Variants in GPR39 observed in about 807,000 individuals in gnomAD.
GPR39 encodes the protein G protein-coupled receptor 39, also known as zinc sensing receptor.
A neutral mutation model predicts 18.4 loss-of-function variants in GPR39; 23 were observed. That is an observed-to-expected ratio of 1.25 (90% CI 0.90 to 1.77). GPR39 has a LOEUF of 1.77. Ranked by LOEUF, GPR39 falls within the 40% of genes most tolerant of loss-of-function variation. The pLI is 0.00. For missense variants in GPR39, 647 were observed against 602.4 expected (o/e 1.07, Z -0.78); for synonymous variants, 280 against 257.9 (o/e 1.09, Z -0.82).
At chr2:132,586,894 T>C (rs1426619075) in intron 1 of GPR39, among the ~76,000 whole-genome samples, 1 of 152,222 alleles carries the variant, frequency 6.6e-6, no homozygotes, top group Non-Finnish European at 1.5e-5. Context: ...AGTTTAGTTC[T>C]TTAGGTTTTC....
chr2:132,510,996 G>A (rs547503799), intron 1 of GPR39, among the ~76,000 whole-genome samples: 1 of 152,236 alleles, frequency 6.6e-6, no homozygotes, highest in South Asian at 2.1e-4. Context: ...TATCCAAAAT[G>A]TATTATTTGC....
rs115476725 is a variant in GPR39, at chr2:132,438,836, A to G, written c.856+20938A>G. 7.3e-3 allele frequency among the ~76,000 whole-genome samples: 1,107 copies of G among 152,194 alleles called. 4 individuals are homozygous for G. The highest frequency in any genetic ancestry group is 0.02 in the Middle Eastern group (6 of 294). On this transcript the variant is annotated intron_variant, in intron 1 of 1. Coordinates refer to ENST00000329321, the MANE Select transcript of GPR39 (RefSeq NM_001508.3). ...AGGGTACACAGGGCCCAAGCCCTGG[A>G]GAGAAGGGGAAAGTAGGCCTCCATT... is the stretch of plus-strand genomic sequence containing the variant.
chr2:132,419,251 ATGCTACTC>A (rs1679964899), intron 1 of GPR39, among the ~76,000 whole-genome samples: 1 of 152,206 alleles, frequency 6.6e-6, no homozygotes, highest in Non-Finnish European at 1.5e-5. Flanking sequence ...GAATATTTGG[ATGCTACTC>A]TGCATTAGGG....
At chr2:132,495,144 G>T (rs540251466) in intron 1 of GPR39, among the ~76,000 whole-genome samples, 2 of 152,268 alleles carry the variant, frequency 1.3e-5, no homozygotes, top group South Asian at 4.1e-4. Context: ...GTTGTATAGG[G>T]GTACCAAAGA....
intron 1 of GPR39, among the ~76,000 whole-genome samples, chr2:132,547,392 A>G (rs1475632910): frequency 6.6e-6 from 1 of 152,150 alleles, no homozygotes; most frequent in African/African-American, 2.4e-5. Flanking sequence ...AGGTTTATAG[A>G]CAATTTCCAG....
intron 1 of GPR39, among the ~76,000 whole-genome samples, chr2:132,549,211 C>T (rs893678195): frequency 6.6e-6 from 1 of 152,104 alleles, no homozygotes; most frequent in Non-Finnish European, 1.5e-5. Context: ...GTGGTGTGTA[C>T]TTGTGAGACT....
At chr2:132,460,126 G>A (rs1431321489) in intron 1 of GPR39, among the ~76,000 whole-genome samples, 1 of 152,198 alleles carries the variant, frequency 6.6e-6, no homozygotes, top group Non-Finnish European at 1.5e-5. Context: ...TAGGATTCTA[G>A]TATAACTTCC....
chr2:132,565,528 C>G (rs961889940), intron 1 of GPR39, among the ~76,000 whole-genome samples: 3 of 148,788 alleles, frequency 2.0e-5, no homozygotes, highest in East Asian at 4.1e-4. Context: ...TTAGGTATAT[C>G]TCCCAATGCC....
At chr2:132,510,787 A>T (rs542924936) in intron 1 of GPR39, among the ~76,000 whole-genome samples, 1 of 152,322 alleles carries the variant, frequency 6.6e-6, no homozygotes, top group African/African-American at 2.4e-5. Context: ...ATGAATGAGG[A>T]GTGTAATTGT....
At chr2:132,453,183 T>A (rs1404144868) in intron 1 of GPR39, among the ~76,000 whole-genome samples, 1 of 152,230 alleles carries the variant, frequency 6.6e-6, no homozygotes, top group Non-Finnish European at 1.5e-5. Flanking sequence ...CTAACTGATG[T>A]GAGATGGTAT....
chr2:132,552,418 C>A (rs1004877946), intron 1 of GPR39, among the ~76,000 whole-genome samples: 2 of 152,094 alleles, frequency 1.3e-5, no homozygotes, highest in African/African-American at 4.8e-5. Context: ...GTTCCACCTT[C>A]TCCTTCTGTC....
chr2:132,562,853 G>C (rs1680279319), intron 1 of GPR39, among the ~76,000 whole-genome samples: 1 of 152,098 alleles, frequency 6.6e-6, no homozygotes, highest in Non-Finnish European at 1.5e-5. Context: ...AGAAAGAGTT[G>C]AAAGTTCAAT....
chr2:132,526,211 T>C (rs916497395), intron 1 of GPR39, among the ~76,000 whole-genome samples: 1 of 152,184 alleles, frequency 6.6e-6, no homozygotes, highest in African/African-American at 2.4e-5. Flanking sequence ...ATTGGAGATG[T>C]TTTTAGCATG....
intron 1 of GPR39, among the ~76,000 whole-genome samples, chr2:132,495,212 T>C (rs1270265944): frequency 1.3e-5 from 2 of 152,166 alleles, no homozygotes; most frequent in African/African-American, 4.8e-5. Flanking sequence ...ATGGAGGATT[T>C]TGGGCAACTT....
chr2:132,602,376 A>T (rs1445297703), intron 1 of GPR39, among the ~76,000 whole-genome samples: 5 of 152,206 alleles, frequency 3.3e-5, no homozygotes, highest in Non-Finnish European at 5.9e-5. Flanking sequence ...TACCATATAC[A>T]AAAATTAATT....
chr2:132,531,903 A>T (rs1679640697), intron 1 of GPR39, among the ~76,000 whole-genome samples: 1 of 152,252 alleles, frequency 6.6e-6, no homozygotes, highest in Non-Finnish European at 1.5e-5. Context: ...AGCAGGAAAG[A>T]TATAAAATTG....
At chr2:132,610,658 T>C (rs1232851990) in intron 1 of GPR39, among the ~76,000 whole-genome samples, 7 of 151,056 alleles carry the variant, frequency 4.6e-5, no homozygotes, top group Middle Eastern at 3.3e-3. Flanking sequence ...GTACCTGTAG[T>C]CCCAGCTACT....
At chr2:132,492,032 ACAC>A (rs1681472814) in intron 1 of GPR39, among the ~76,000 whole-genome samples, 1 of 148,028 alleles carries the variant, frequency 6.8e-6, no homozygotes, top group Admixed American at 6.6e-5. Flanking sequence ...ACATATATAT[ACAC>A]CACATATATA....
intron 1 of GPR39, among the ~76,000 whole-genome samples, chr2:132,533,005 G>T (rs1186844593): frequency 6.6e-6 from 1 of 152,080 alleles, no homozygotes; most frequent in Non-Finnish European, 1.5e-5. Flanking sequence ...GGGCAATCAG[G>T]CAGGAGAAGG....
Sources: gnomAD v4.1 joint callset for allele counts (sites outside exome capture counted in the v4.1 genomes callset) on GRCh38, gnomAD v4.1.1 for gene constraint, MANE v1.5 for transcripts, NCBI Gene and HGNC (gene_info 2026-07-23, HGNC 2026-07-21) for gene names.